The following SYT1 variants were observed in gnomAD, a reference collection of about 807,000 sequenced individuals.
SYT1 encodes the protein synaptotagmin-1.
SYT1 carries 8 observed loss-of-function variants against 44.8 expected under a neutral mutation model. The observed-to-expected ratio is 0.18, with a 90% CI of 0.10 to 0.32. SYT1 has a LOEUF of 0.32. SYT1 is among the 10% of genes least tolerant of loss of function. The pLI is 1.00. For missense variants in SYT1, 286 were observed against 509.3 expected (o/e 0.56, Z 4.22); for synonymous variants, 154 against 188.8 (o/e 0.82, Z 1.51).
intron 1 of SYT1, among the ~76,000 whole-genome samples, chr12:78,942,202 A>G (rs1028404450): frequency 1.8e-4 from 28 of 152,218 alleles, no homozygotes; most frequent in East Asian, 5.8e-4. Flanking sequence ...TTAACTCTTT[A>G]TGTCCTTTAA....
intron 3 of SYT1, among the ~76,000 whole-genome samples, chr12:79,211,187 T>C (rs1329965378): frequency 6.6e-6 from 1 of 152,134 alleles, no homozygotes; most frequent in Non-Finnish European, 1.5e-5. Flanking sequence ...ACACTTTATA[T>C]ACTGTCTCAT....
chr12:79,179,346 G>A (rs868058191), intron 3 of SYT1, among the ~76,000 whole-genome samples: 1,244 of 8,628 alleles, frequency 0.14, 148 homozygotes, highest in African/African-American at 0.25. Flanking sequence ...ATATCGATAT[G>A]TCTATATCGA....
chr12:79,180,100 A>G (rs911049147), intron 3 of SYT1, among the ~76,000 whole-genome samples: 1 of 152,108 alleles, frequency 6.6e-6, no homozygotes, highest in Non-Finnish European at 1.5e-5. Flanking sequence ...GAGAAGAGTT[A>G]CTAAAGATAA....
chr12:79,122,298 A>G (rs1416309736), intron 3 of SYT1, among the ~76,000 whole-genome samples: 1 of 151,646 alleles, frequency 6.6e-6, no homozygotes, highest in East Asian at 1.9e-4. Flanking sequence ...GCGGATCACG[A>G]GGTCAGGAGA....
At chr12:79,443,492 T>G (rs1300964627) in intron 9 of SYT1, among the ~76,000 whole-genome samples, 1 of 152,236 alleles carries the variant, frequency 6.6e-6, no homozygotes, top group African/African-American at 2.4e-5. Flanking sequence ...GAAGTTTCAT[T>G]GTGAAGACAG....
chr12:79,052,995 C>A (rs956913006), intron 3 of SYT1, among the ~76,000 whole-genome samples: 8 of 151,970 alleles, frequency 5.3e-5, no homozygotes, highest in African/African-American at 1.7e-4. Context: ...GACCCAGCAA[C>A]ACCATTACTG....
At chr12:79,101,611 TG>T (rs1471311579) in intron 3 of SYT1, among the ~76,000 whole-genome samples, 9 of 152,198 alleles carry the variant, frequency 5.9e-5, no homozygotes, top group African/African-American at 2.2e-4. Flanking sequence ...GTCAAGTTTG[TG>T]TTATATATAA....
intron 4 of SYT1, among the ~76,000 whole-genome samples, chr12:79,268,273 G>A (rs1274152656): frequency 4.6e-5 from 7 of 152,114 alleles, no homozygotes; most frequent in African/African-American, 1.7e-4. Flanking sequence ...TCTATTAAAT[G>A]TTAAGGATTT....
chr12:79,043,995 C>T (rs1184209846), intron 2 of SYT1, among the ~76,000 whole-genome samples: 10 of 152,286 alleles, frequency 6.6e-5, no homozygotes, highest in South Asian at 6.2e-4. Flanking sequence ...CCGAGAGATC[C>T]GCTGTTAGTC....
At chr12:79,312,274 T>A (rs1349571510) in intron 8 of SYT1, among the ~76,000 whole-genome samples, 1 of 152,190 alleles carries the variant, frequency 6.6e-6, no homozygotes, top group Admixed American at 6.5e-5. Flanking sequence ...TGAGGCCTTC[T>A]TCCAGAAAAT....
chr12:79,353,628 G>T lies in SYT1; in HGVS notation c.928+9G>T, dbSNP rs751265116. The T allele has an allele frequency of 8.8e-6, 14 of 1,595,326 alleles. No individual in the cohort carries two copies. Among genetic ancestry groups the T allele is most frequent in the Non-Finnish European group, 1.2e-5 (14 of 1,162,936 alleles). On this transcript the variant is annotated intron_variant, in intron 9 of 10. Coordinates refer to ENST00000261205, the MANE Select transcript of SYT1 (RefSeq NM_005639.3). ...TGTGGGTGGCTTATCCGGTAAGCCT[G>T]CAGTGTTTATTGATTTTTTTCAAAT...
At chr12:79,022,962 C>T (rs536470619) in intron 2 of SYT1, among the ~76,000 whole-genome samples, 6 of 151,702 alleles carry the variant, frequency 4.0e-5, no homozygotes, top group South Asian at 2.1e-4. Context: ...GCTTCCATGC[C>T]GGTTTTTTAT....
intron 1 of SYT1, among the ~76,000 whole-genome samples, chr12:78,884,746 G>A (rs998246943): frequency 3.3e-5 from 5 of 151,450 alleles, no homozygotes; most frequent in Non-Finnish European, 7.4e-5. Context: ...TTTTCAAAAT[G>A]TAAACTTGTT....
At chr12:79,064,078 T>G (rs999795414) in intron 3 of SYT1, among the ~76,000 whole-genome samples, 3 of 144,458 alleles carry the variant, frequency 2.1e-5, no homozygotes, top group Admixed American at 1.4e-4. Flanking sequence ...TAAAGCTTAG[T>G]GCACAAGTAG....
intron 1 of SYT1, among the ~76,000 whole-genome samples, chr12:78,940,618 G>A (rs1306746524): frequency 6.6e-6 from 1 of 151,942 alleles, no homozygotes; most frequent in African/African-American, 2.4e-5. Context: ...TGAACTCTTG[G>A]CCTCAAGCAT....
chr12:79,028,624 C>A (rs1217293029), intron 2 of SYT1, among the ~76,000 whole-genome samples: 3 of 151,114 alleles, frequency 2.0e-5, no homozygotes, highest in Non-Finnish European at 4.4e-5. Flanking sequence ...CCTTTTCCCC[C>A]AAAATAAAAA....
intron 1 of SYT1, among the ~76,000 whole-genome samples, chr12:78,936,870 C>T (rs1878092123): frequency 1.3e-5 from 2 of 152,112 alleles, no homozygotes; most frequent in South Asian, 4.1e-4. Context: ...CTCATATCTT[C>T]CAGGCAAGGG....
chr12:79,097,564 A>G (rs1878209864), intron 3 of SYT1, among the ~76,000 whole-genome samples: 1 of 151,938 alleles, frequency 6.6e-6, no homozygotes, highest in African/African-American at 2.4e-5. Flanking sequence ...AGCAGCTGGT[A>G]TCACTATAAA....
chr12:78,884,464 G>A (rs1874626348), intron 1 of SYT1, among the ~76,000 whole-genome samples: 1 of 113,440 alleles, frequency 8.8e-6, no homozygotes, highest in Admixed American at 8.9e-5. Context: ...AACATAAGGT[G>A]TACTAAAGGA....
Sources: allele counts gnomAD v4.1 joint callset (sites outside exome capture counted in the v4.1 genomes callset), GRCh38; gene constraint gnomAD v4.1.1; transcripts MANE v1.5; gene names NCBI Gene and HGNC (gene_info 2026-07-23, HGNC 2026-07-21).